The following NECTIN3 variants were observed in gnomAD, a reference collection of about 807,000 sequenced individuals.
NECTIN3 encodes nectin cell adhesion molecule 3.
A neutral mutation model predicts 49.4 loss-of-function variants in NECTIN3; 8 were observed. That is an observed-to-expected ratio of 0.16 (90% CI 0.10 to 0.29). The LOEUF is 0.29. Among genes scored for constraint, NECTIN3 ranks in the 10% least tolerant of loss-of-function variants. The probability of loss-of-function intolerance (pLI) is 1.00; values close to 1 mark genes in which losing one functional copy is unlikely to be tolerated. For missense variants in NECTIN3, 581 were observed against 654.6 expected (o/e 0.89, Z 1.23); for synonymous variants, 277 against 241.1 (o/e 1.15, Z -1.38).
intron 1 of NECTIN3, among the ~76,000 whole-genome samples, chr3:111,073,187 A>C (rs2030924796): frequency 6.6e-6 from 1 of 152,204 alleles, no homozygotes; most frequent in Admixed American, 6.5e-5. Context: ...GCTCTTGGTA[A>C]GAAAAGTAGA....
At chr3:111,190,276 G>A (rs2035792146), upstream of NECTIN3, among the ~76,000 whole-genome samples, 1 of 152,170 alleles carries the variant, frequency 6.6e-6, no homozygotes, top group Non-Finnish European at 1.5e-5. Flanking sequence ...GACTTTGACA[G>A]GAGGAGTGAA....
intron 1 of NECTIN3, among the ~76,000 whole-genome samples, chr3:111,107,899 A>G (rs1185003144): frequency 6.6e-6 from 1 of 152,170 alleles, no homozygotes; most frequent in South Asian, 2.1e-4. Context: ...TTTATTTGCA[A>G]CAACAGAACT....
chr3:111,133,390 T>C (rs2034460051), intron 5 of NECTIN3, among the ~76,000 whole-genome samples: 2 of 152,120 alleles, frequency 1.3e-5, no homozygotes, highest in Admixed American at 1.3e-4. Context: ...AATTACAACA[T>C]AGGTTTACAC....
chr3:111,137,775 T>TC (rs1245806458), downstream of NECTIN3, among the ~76,000 whole-genome samples: 1 of 150,140 alleles, frequency 6.7e-6, no homozygotes, highest in Non-Finnish European at 1.5e-5. Flanking sequence ...TTTCCTTTTT[T>TC]TTTTTTTTTT....
intron 1 of NECTIN3, among the ~76,000 whole-genome samples, chr3:111,100,620 A>G (rs1399874148): frequency 6.6e-6 from 1 of 152,108 alleles, no homozygotes; most frequent in African/African-American, 2.4e-5. Flanking sequence ...CTCAACCTGT[A>G]ATATAATTTT....
intron 1 of NECTIN3, among the ~76,000 whole-genome samples, chr3:111,081,142 A>G (rs1295847800): frequency 6.6e-6 from 1 of 152,182 alleles, no homozygotes; most frequent in African/African-American, 2.4e-5. Flanking sequence ...TAAGCCAGGC[A>G]TGGTGGAGTC....
intron 1 of NECTIN3, 166 bp downstream of exon 1, chr3:111,072,343 C>T (rs2030824453): frequency 4.1e-6 from 6 of 1,448,580 alleles, no homozygotes; most frequent in African/African-American, 1.5e-5. Flanking sequence ...GGGGCGAGGC[C>T]CTGGAAGGGC....
chr3:111,152,353 A>C (rs2035016930), intron 7 of NECTIN3, among the ~76,000 whole-genome samples: 1 of 151,920 alleles, frequency 6.6e-6, no homozygotes, highest in Non-Finnish European at 1.5e-5. Flanking sequence ...ACTTCTACCA[A>C]TAATATATAA....
At chr3:111,181,980 A>G (rs560491786) in intron 7 of NECTIN3, among the ~76,000 whole-genome samples, 1 of 152,088 alleles carries the variant, frequency 6.6e-6, no homozygotes, top group South Asian at 2.1e-4. Flanking sequence ...TAATACAAGC[A>G]TTTAAAAATA....
At chr3:111,125,336 C>T (rs1021135452) in intron 4 of NECTIN3, among the ~76,000 whole-genome samples, 2 of 151,258 alleles carry the variant, frequency 1.3e-5, no homozygotes, top group African/African-American at 4.9e-5. Flanking sequence ...GCCTTATCCT[C>T]TTTAAAAAAA....
At chr3:111,166,792 G>T (rs2035326735) in intron 7 of NECTIN3, among the ~76,000 whole-genome samples, 1 of 152,162 alleles carries the variant, frequency 6.6e-6, no homozygotes, top group African/African-American at 2.4e-5. Context: ...TATATCACAA[G>T]CCTTAGTAAT....
At chr3:111,155,460 G>C (rs1319041541) in intron 7 of NECTIN3, among the ~76,000 whole-genome samples, 1 of 152,144 alleles carries the variant, frequency 6.6e-6, no homozygotes, top group South Asian at 2.1e-4. Flanking sequence ...CGCAATTTCA[G>C]AGCACCTGGT....
At position 111,118,812 on chromosome 3, in the gene NECTIN3, T is replaced by C. The variant is rs1231941338; in HGVS notation, c.659T>C (p.Phe220Ser). 6.2e-7 allele frequency: 1 copy of C among 1,614,018 alleles called. No homozygotes were observed. Among genetic ancestry groups the C allele is most frequent in the Non-Finnish European group, 8.5e-7 (1 of 1,180,036 alleles). ...LGEMESTTTS[F>S]PNETATIISQ... ...GAAATGGAATCCACTACAACTTCTT[T>C]TCCAAATGAAACGGCAACGATTATC... Residue 220 changes from phenylalanine to serine, a missense_variant, in exon 3 of 6, where the codon TTT becomes TCT. Phe to Ser is a radical substitution (Grantham distance 155, BLOSUM62 -2). Transcript: ENST00000485303.
intron 1 of NECTIN3, among the ~76,000 whole-genome samples, chr3:111,105,208 T>A (rs1342765591): frequency 6.6e-6 from 1 of 151,580 alleles, no homozygotes; most frequent in African/African-American, 2.4e-5. Flanking sequence ...AGTGGCACGA[T>A]CTTGGCTCAT....
intron 7 of NECTIN3, among the ~76,000 whole-genome samples, chr3:111,171,318 C>A (rs765893697): frequency 6.6e-6 from 1 of 152,186 alleles, no homozygotes; most frequent in Non-Finnish European, 1.5e-5. Flanking sequence ...TGTCCCAGCT[C>A]CATCATGAGT....
At chr3:111,169,869 A>G (rs1474272314) in intron 7 of NECTIN3, among the ~76,000 whole-genome samples, 1 of 152,240 alleles carries the variant, frequency 6.6e-6, no homozygotes, top group Non-Finnish European at 1.5e-5. Flanking sequence ...GTTATTGCTA[A>G]TAAATTTATA....
intron 2 of NECTIN3, among the ~76,000 whole-genome samples, chr3:111,117,713 C>T (rs2033748457): frequency 6.6e-6 from 1 of 151,176 alleles, no homozygotes; most frequent in Non-Finnish European, 1.5e-5. Context: ...AAAAAAAAAT[C>T]ATTGAAATAA....
At chr3:111,147,354 T>G (rs1322812645) in intron 6 of NECTIN3, 1 of 1,348,634 alleles carries the variant, frequency 7.4e-7, no homozygotes, top group African/African-American at 1.5e-5. Context: ...TTTGCTTTTT[T>G]TTTTTTTCCT....
chr3:111,124,829 A>G lies in NECTIN3; in HGVS notation c.918-1355A>G, dbSNP rs2034095111. Among the ~76,000 whole-genome samples the G allele has an allele frequency of 3.3e-5, 5 of 152,086 alleles. No homozygotes were observed. In the South Asian group the frequency reaches 1.0e-3, roughly 32 times the overall value. ...ATTTGTCAATCTTCTATGTACTTAC[A>G]TAATTGAAAATAGAGACTACATTTT... On this transcript the variant is annotated intron_variant, in intron 4 of 5. Transcript: ENST00000485303.
Sources: gnomAD v4.1 joint callset for allele counts (sites outside exome capture counted in the v4.1 genomes callset) on GRCh38, gnomAD v4.1.1 for gene constraint, MANE v1.5 for transcripts, NCBI Gene and HGNC (gene_info 2026-07-23, HGNC 2026-07-21) for gene names.